The following UGT1A10 variants were observed in gnomAD, a reference collection of about 807,000 sequenced individuals.
UGT1A10 encodes UDP glucuronosyltransferase family 1 member A10.
UGT1A10 carries 49 observed loss-of-function variants against 45.8 expected under a neutral mutation model. That is an observed-to-expected ratio of 1.07 (90% CI 0.85 to 1.36). The LOEUF (loss-of-function observed/expected upper bound fraction) is 1.36. Ranked by LOEUF, UGT1A10 falls within the 40% of genes most tolerant of loss-of-function variation. The pLI, the probability that UGT1A10 is intolerant of heterozygous loss-of-function variation, is 0.00. For synonymous variants in UGT1A10, 284 were observed against 249.7 expected, an observed-to-expected ratio of 1.14 and a Z score of -1.29; for missense variants, 745 against 668.6, an observed-to-expected ratio of 1.11 and a Z score of -1.26.
At chr2:233,717,871 G>C (rs2076612840) in intron 1 of UGT1A10, 1 of 454,894 alleles carries the variant, frequency 2.2e-6, no homozygotes. Context: ...GATTGACTTG[G>C]AGAAAAGCCT....
Position 233,772,725 on chromosome 2 carries a change from A to G in UGT1A10, c.*166A>G. ...AAATTCTCTTAAATAAAAATAATAG[A>G]CTCGCTAGTCAGTAAAGATATTTGA... On this transcript the variant is annotated 3_prime_UTR_variant, in exon 5 of 5. Coordinates refer to ENST00000344644, the MANE Select transcript of UGT1A10 (RefSeq NM_019075.4). The G allele has an allele frequency of 6.9e-7, 1 of 1,452,344 alleles. No homozygotes were observed. Among genetic ancestry groups the G allele is most frequent in the Non-Finnish European group, 9.0e-7 (1 of 1,105,170 alleles). The allele number at this position is 1,452,344 out of a possible 1,614,324, so 90.0% of individuals were successfully genotyped here.
intron 1 of UGT1A10, among the ~76,000 whole-genome samples, chr2:233,664,517 C>A (rs965570606): frequency 1.3e-5 from 2 of 152,160 alleles, no homozygotes; most frequent in Non-Finnish European, 2.9e-5. Flanking sequence ...CATGGCGCTG[C>A]CATCTGTTCA....
chr2:233,661,038 C>T (rs1389645495), intron 1 of UGT1A10, among the ~76,000 whole-genome samples: 2 of 151,872 alleles, frequency 1.3e-5, no homozygotes, highest in African/African-American at 2.4e-5. Context: ...TATAGGTATG[C>T]CTTTCTTATA....
At chr2:233,714,333 C>G (rs2076379859) in intron 1 of UGT1A10, among the ~76,000 whole-genome samples, 2 of 152,268 alleles carry the variant, frequency 1.3e-5, no homozygotes. Flanking sequence ...GAGACCTAAG[C>G]ACTCAGAGGA....
intron 1 of UGT1A10, among the ~76,000 whole-genome samples, chr2:233,657,747 T>C (rs1403174452): frequency 6.6e-6 from 1 of 152,210 alleles, no homozygotes; most frequent in Non-Finnish European, 1.5e-5. Context: ...ATTTTCCTAT[T>C]TAAATATGAT....
intron 1 of UGT1A10, among the ~76,000 whole-genome samples, chr2:233,759,961 C>T (rs1009122794): frequency 6.6e-6 from 1 of 152,158 alleles, no homozygotes; most frequent in Non-Finnish European, 1.5e-5. Context: ...ACATAGTCGT[C>T]CTTCTTCCTC....
At chr2:233,691,929 A>G (rs2075065519) in intron 1 of UGT1A10, 1 of 152,370 alleles carries the variant, frequency 6.6e-6, no homozygotes, top group African/African-American at 2.4e-5. Flanking sequence ...GGAGCGATAA[A>G]CGTGAACAAA....
At chr2:233,718,634 G>A in intron 1 of UGT1A10, 1 of 1,457,400 alleles carries the variant, frequency 6.9e-7, no homozygotes, top group Non-Finnish European at 9.2e-7. Context: ...GTCTTTCCCA[G>A]GGTTGGGCCC....
chr2:233,687,252 A>T (rs2074829150), intron 1 of UGT1A10, among the ~76,000 whole-genome samples: 1 of 152,196 alleles, frequency 6.6e-6, no homozygotes, highest in African/African-American at 2.4e-5. Flanking sequence ...AAGATTAATG[A>T]TCTTAACCAT....
intron 1 of UGT1A10, among the ~76,000 whole-genome samples, chr2:233,724,675 T>G (rs1346427449): frequency 7.1e-6 from 1 of 141,646 alleles, no homozygotes; most frequent in Non-Finnish European, 1.5e-5. Context: ...ACTTCCTAGA[T>G]GGGATGGCGG....
At chr2:233,708,287 G>A (rs2076011328) in intron 1 of UGT1A10, among the ~76,000 whole-genome samples, 1 of 152,124 alleles carries the variant, frequency 6.6e-6, no homozygotes, top group African/African-American at 2.4e-5. Flanking sequence ...ATCATCAAAT[G>A]CTTTCAGTTT....
intron 1 of UGT1A10, chr2:233,741,799 G>A (rs1253457401): frequency 3.3e-5 from 5 of 151,906 alleles, no homozygotes; most frequent in African/African-American, 1.2e-4. Flanking sequence ...TTACCAGCAT[G>A]CTGCTCTTAA....
intron 1 of UGT1A10, among the ~76,000 whole-genome samples, chr2:233,764,715 A>C (rs1025640523): frequency 2.0e-5 from 3 of 152,182 alleles, no homozygotes; most frequent in African/African-American, 7.2e-5. Context: ...TGTCTCCCCA[A>C]GAAAGAGGGA....
In UGT1A10 at chr2:233,690,075, T is replaced by C. The variant is rs571016220; in HGVS notation, c.855+52698T>C. Among the ~76,000 whole-genome samples the C allele has an allele frequency of 2.6e-5, 4 of 152,288 alleles. No homozygotes were observed. The East Asian group carries it at 5.8e-4, about 22-fold the overall frequency. On this transcript the variant is annotated intron_variant, in intron 1 of 4. Coordinates refer to ENST00000344644, the MANE Select transcript of UGT1A10 (RefSeq NM_019075.4). ...TTCTGCAGCCCCACCTCACAGCCTA[T>C]CAAATAGATTAAATTGCTCCTGCAT...
In UGT1A10 at chr2:233,729,717, A is replaced by G. The variant is rs147416875; in HGVS notation, c.856-37317A>G. Reference sequence around the variant, plus strand: ...ACCCTTCCTCCTATATTCCTAGATTACTAACAACCAATTCAGACCACATGA... The same window carrying G: ...ACCCTTCCTCCTATATTCCTAGATTGCTAACAACCAATTCAGACCACATGA... On this transcript the variant is annotated intron_variant, in intron 1 of 4. Transcript: ENST00000344644. 5.1e-5 allele frequency: 83 copies of G among 1,613,846 alleles called. 1 individual carries two copies. The highest frequency in any genetic ancestry group is 5.2e-5 in the Non-Finnish European group (61 of 1,179,886).
chr2:233,683,667 CT>C (rs2074645385), intron 1 of UGT1A10, among the ~76,000 whole-genome samples: 1 of 152,048 alleles, frequency 6.6e-6, no homozygotes, highest in South Asian at 2.1e-4. Context: ...TTTCATCTTT[CT>C]TATTAACCTT....
intron 1 of UGT1A10, among the ~76,000 whole-genome samples, chr2:233,751,100 G>A (rs895970679): frequency 2.6e-5 from 4 of 151,920 alleles, no homozygotes; most frequent in African/African-American, 9.7e-5. Context: ...GGAGGGCTTT[G>A]CCCTGCAAGC....
intron 1 of UGT1A10, among the ~76,000 whole-genome samples, chr2:233,671,155 G>T (rs1346642215): frequency 6.6e-6 from 1 of 152,248 alleles, no homozygotes; most frequent in Non-Finnish European, 1.5e-5. Context: ...CTGAAGGAGG[G>T]CACTGGAGTG....
At position 233,751,264 on chromosome 2, in the gene UGT1A10, CT is replaced by C. The variant is rs1248433988; in HGVS notation, c.856-15763del. Among the ~76,000 whole-genome samples the C allele has an allele frequency of 2.6e-5, 4 of 151,986 alleles. No homozygotes were observed. The East Asian group carries it at 7.7e-4, about 29-fold the overall frequency. On this transcript the variant is annotated intron_variant, in intron 1 of 4. Coordinates refer to ENST00000344644, the MANE Select transcript of UGT1A10 (RefSeq NM_019075.4). ...GGACTTGCATGGGGCCTGTAGCCCC[CT>C]TTTTTTGGCCAGTTTCTCCCATTTG...
Sources: allele counts gnomAD v4.1 joint callset (sites outside exome capture counted in the v4.1 genomes callset), GRCh38; gene constraint gnomAD v4.1.1; transcripts MANE v1.5; gene names NCBI Gene and HGNC (gene_info 2026-07-23, HGNC 2026-07-21).